The following NOL4 variants were observed in gnomAD, a reference collection of about 807,000 sequenced individuals.
The protein encoded by NOL4 is cancer/testis antigen 125.
Under a neutral mutation model 75.9 loss-of-function variants are expected in NOL4, and 17 were observed. The observed-to-expected ratio is 0.22, with a 90% CI of 0.15 to 0.34. The LOEUF is 0.34. NOL4 is among the 10% of genes least tolerant of loss of function. The probability of loss-of-function intolerance (pLI) is 1.00; values close to 1 mark genes in which losing one functional copy is unlikely to be tolerated. For missense variants in NOL4, 614 were observed against 793.5 expected, an observed-to-expected ratio of 0.77 and a Z score of 2.72; for synonymous variants, 292 against 289.9, an observed-to-expected ratio of 1.01 and a Z score of -0.07.
chr18:34,126,074 A>G (rs893469614), intron 2 of NOL4, among the ~76,000 whole-genome samples: 3 of 152,144 alleles, frequency 2.0e-5, no homozygotes, highest in African/African-American at 7.2e-5. Flanking sequence ...AACTAGGGTA[A>G]ATGATAGAGC....
intron 5 of NOL4, among the ~76,000 whole-genome samples, chr18:34,069,273 C>T (rs1191631293): frequency 3.3e-5 from 5 of 151,932 alleles, no homozygotes; most frequent in South Asian, 2.1e-4. Flanking sequence ...ATCCCTTTTA[C>T]AAAAGATTGG....
chr18:34,001,605 G>C (rs1315453613), intron 6 of NOL4: 1 of 152,084 alleles, frequency 6.6e-6, no homozygotes, highest in Non-Finnish European at 1.5e-5. Flanking sequence ...TAGAGGGGTG[G>C]GGCAGGATAA....
At chr18:34,149,304 T>C (rs954501242) in intron 1 of NOL4, among the ~76,000 whole-genome samples, 1 of 151,600 alleles carries the variant, frequency 6.6e-6, no homozygotes, top group East Asian at 1.9e-4. Flanking sequence ...TGGAAAGAAA[T>C]GCCAAAAGAA....
intron 9 of NOL4, among the ~76,000 whole-genome samples, chr18:33,924,003 A>AGAT (rs1390940108): frequency 6.6e-5 from 10 of 152,180 alleles, no homozygotes; most frequent in African/African-American, 2.4e-4. Context: ...TGAGTACTTA[A>AGAT]AAATTAGATA....
At chr18:34,053,465 A>ATGTTT (rs1466801304) in intron 5 of NOL4, among the ~76,000 whole-genome samples, 4 of 151,908 alleles carry the variant, frequency 2.6e-5, no homozygotes, top group African/African-American at 9.7e-5. Context: ...ATGGAGAAAA[A>ATGTTT]AGCTTATTAT....
At chr18:34,064,229 C>T (rs1313103586) in intron 5 of NOL4, among the ~76,000 whole-genome samples, 2 of 152,014 alleles carry the variant, frequency 1.3e-5, no homozygotes, top group Non-Finnish European at 2.9e-5. Flanking sequence ...ACTAAACAAT[C>T]TATCCTTAGC....
intron 5 of NOL4, among the ~76,000 whole-genome samples, chr18:34,027,108 G>A (rs971462345): frequency 9.9e-5 from 15 of 152,202 alleles, no homozygotes; most frequent in African/African-American, 3.6e-4. Flanking sequence ...TTGTCTCTCA[G>A]TGAAGGCAGG....
In NOL4 at chr18:34,195,844, C is replaced by A. The variant is rs540859554; in HGVS notation, c.264+27146G>T. On this transcript the variant is annotated intron_variant, in intron 1 of 10. Transcript: ENST00000261592. ...GCATTGCTTCAGTAAGTTAAAATAT[C>A]ATGACATTAGCATTAATGTATAGAT... Among the ~76,000 whole-genome samples the A allele has an allele frequency of 1.7e-4, 26 of 152,224 alleles. 1 individual carries two copies. The South Asian group carries it at 5.2e-3, about 30-fold the overall frequency.
At chr18:34,016,269 G>A (rs1459465109) in intron 6 of NOL4, among the ~76,000 whole-genome samples, 2 of 151,910 alleles carry the variant, frequency 1.3e-5, no homozygotes. Context: ...TTTTCCTCCT[G>A]GATTGCCACA....
intron 9 of NOL4, among the ~76,000 whole-genome samples, chr18:33,910,094 C>T (rs1003851880): frequency 1.3e-5 from 2 of 152,178 alleles, no homozygotes; most frequent in Non-Finnish European, 2.9e-5. Context: ...TCTTTGTATC[C>T]AAAGATTTCT....
intron 5 of NOL4, among the ~76,000 whole-genome samples, chr18:34,037,940 A>T (rs959341311): frequency 1.3e-5 from 2 of 152,180 alleles, no homozygotes; most frequent in Non-Finnish European, 2.9e-5. Context: ...GAAACAAACT[A>T]CAAAGTGAAG....
intron 9 of NOL4, among the ~76,000 whole-genome samples, chr18:33,904,341 A>C (rs1209950732): frequency 6.6e-6 from 1 of 152,060 alleles, no homozygotes; most frequent in Admixed American, 6.6e-5. Context: ...TATATAAACG[A>C]AAAAAGTAGA....
intron 9 of NOL4, among the ~76,000 whole-genome samples, chr18:33,927,348 C>A (rs530802822): frequency 6.6e-6 from 1 of 152,196 alleles, no homozygotes; most frequent in African/African-American, 2.4e-5. Context: ...GGTCCATATT[C>A]CTATCATTTT....
At chr18:33,925,693 T>A (rs563825661) in intron 9 of NOL4, among the ~76,000 whole-genome samples, 1 of 152,158 alleles carries the variant, frequency 6.6e-6, no homozygotes, top group African/African-American at 2.4e-5. Context: ...AACATTACCC[T>A]GAAATCCAAA....
chr18:33,953,967 T>C (rs1164243158), intron 8 of NOL4, among the ~76,000 whole-genome samples: 1 of 152,112 alleles, frequency 6.6e-6, no homozygotes, highest in Non-Finnish European at 1.5e-5. Context: ...TATACTTTAG[T>C]TGAATATGCA....
At chr18:34,218,640 C>T (rs965733723) in intron 1 of NOL4, among the ~76,000 whole-genome samples, 1 of 152,198 alleles carries the variant, frequency 6.6e-6, no homozygotes, top group Non-Finnish European at 1.5e-5. Context: ...TGCTGATATT[C>T]ATTCTCGGGA....
intron 9 of NOL4, among the ~76,000 whole-genome samples, chr18:33,932,142 C>T (rs1038595640): frequency 6.6e-6 from 1 of 152,000 alleles, no homozygotes; most frequent in African/African-American, 2.4e-5. Flanking sequence ...CCCCACATTT[C>T]CACATTGAAA....
intron 9 of NOL4, among the ~76,000 whole-genome samples, chr18:33,925,463 T>C (rs1389306661): frequency 6.6e-6 from 1 of 152,146 alleles, no homozygotes; most frequent in Non-Finnish European, 1.5e-5. Flanking sequence ...AAAGAAATTT[T>C]CCTCACACAT....
chr18:34,083,801 A>C (rs1039712035), intron 5 of NOL4, among the ~76,000 whole-genome samples: 3 of 152,208 alleles, frequency 2.0e-5, no homozygotes, highest in Non-Finnish European at 4.4e-5. Flanking sequence ...GTAGAAAAGG[A>C]AGAATTCACA....
Sources: allele counts gnomAD v4.1 joint callset (sites outside exome capture counted in the v4.1 genomes callset), GRCh38; gene constraint gnomAD v4.1.1; transcripts MANE v1.5; gene names NCBI Gene and HGNC (gene_info 2026-07-23, HGNC 2026-07-21).